OPCML: variants seen among roughly 807,000 people sequenced by gnomAD.
OPCML encodes the protein opioid-binding protein/cell adhesion molecule.
OPCML carries 13 observed loss-of-function variants against 37.8 expected under a neutral mutation model. The observed-to-expected ratio is 0.34, with a 90% CI of 0.22 to 0.55. The LOEUF (loss-of-function observed/expected upper bound fraction) is 0.55, where lower values mean the gene tolerates loss of function less well. OPCML is among the 20% of genes least tolerant of loss of function. The pLI, the probability that OPCML is intolerant of heterozygous loss-of-function variation, is 0.91. For synonymous variants in OPCML, 176 were observed against 168.8 expected (o/e 1.04, Z -0.33); for missense variants, 341 against 435.6 (o/e 0.78, Z 1.93).
At chr11:132,502,155 C>T (rs1363297974) in intron 4 of OPCML, among the ~76,000 whole-genome samples, 1 of 152,158 alleles carries the variant, frequency 6.6e-6, no homozygotes, top group African/African-American at 2.4e-5. Context: ...CTTTACCCAC[C>T]ACCCTCTGCT....
chr11:133,313,219 AC>A (rs1409842430), intron 1 of OPCML, among the ~76,000 whole-genome samples: 1 of 152,226 alleles, frequency 6.6e-6, no homozygotes, highest in Non-Finnish European at 1.5e-5. Context: ...AAAGCTTAGC[AC>A]ATAATAGGCA....
intron 1 of OPCML, chr11:133,005,616 A>C (rs1389710427): frequency 1.0e-6 from 1 of 984,118 alleles, no homozygotes; most frequent in African/African-American, 1.8e-5. Context: ...TAACCTTCAC[A>C]CCGCCCTTTC....
intron 4 of OPCML, among the ~76,000 whole-genome samples, chr11:132,439,184 G>A (rs1041082671): frequency 1.3e-5 from 2 of 152,138 alleles, no homozygotes; most frequent in Non-Finnish European, 2.9e-5. Context: ...TGGGAAATCT[G>A]GGTGGACCCA....
At chr11:132,954,431 T>A (rs114638925) in intron 1 of OPCML, among the ~76,000 whole-genome samples, 76,682 of 151,686 alleles carry the variant, frequency 0.51, 19,599 homozygotes, top group East Asian at 0.72. Context: ...TTAAGTGAAC[T>A]TTTTTAAAGA....
At chr11:133,368,206 G>T (rs914330101) in intron 1 of OPCML, among the ~76,000 whole-genome samples, 1 of 148,354 alleles carries the variant, frequency 6.7e-6, no homozygotes, top group African/African-American at 2.5e-5. Context: ...AAAGGTAGAA[G>T]GAGGAAGAGG....
At position 132,790,828 on chromosome 11, in the gene OPCML, G is replaced by A. The variant is rs556610417; in HGVS notation, c.147-133509C>T. On this transcript the variant is annotated intron_variant, in intron 2 of 7. Transcript: ENST00000524381. ...AATGCCTTCCAATATTTTGGTTATG[G>A]GAAAAGAGTAAGAACAATATCATCC... 5.3e-5 allele frequency among the ~76,000 whole-genome samples: 8 copies of A among 152,292 alleles called. No homozygotes were observed. The South Asian group carries it at 1.7e-3, about 32-fold the overall frequency.
At chr11:132,565,417 C>A (rs374776107) in intron 3 of OPCML, among the ~76,000 whole-genome samples, 6 of 152,122 alleles carry the variant, frequency 3.9e-5, no homozygotes, top group Non-Finnish European at 8.8e-5. Flanking sequence ...GACCTTCTCC[C>A]GAACGTTAGC....
intron 1 of OPCML, among the ~76,000 whole-genome samples, chr11:133,498,969 A>G (rs1947846180): frequency 6.6e-6 from 1 of 152,312 alleles, no homozygotes. Flanking sequence ...AGATGACTAC[A>G]ATGAGGCACA....
chr11:133,251,441 T>C (rs1170891339), intron 1 of OPCML, among the ~76,000 whole-genome samples: 2 of 152,096 alleles, frequency 1.3e-5, no homozygotes, highest in Non-Finnish European at 2.9e-5. Flanking sequence ...GCAGGTTCTC[T>C]CTGTCAGATG....
intron 1 of OPCML, among the ~76,000 whole-genome samples, chr11:133,267,040 C>T (rs555219710): frequency 5.3e-5 from 8 of 152,102 alleles, no homozygotes; most frequent in Non-Finnish European, 1.0e-4. Context: ...AAGTATGATT[C>T]GGCACCTTGG....
At chr11:132,888,503 C>CA (rs1943510036) in intron 2 of OPCML, among the ~76,000 whole-genome samples, 2 of 152,178 alleles carry the variant, frequency 1.3e-5, no homozygotes, top group South Asian at 4.2e-4. Flanking sequence ...TTTCTCCCCC[C>CA]ACGCATCTGC....
chr11:132,526,720 G>A lies in OPCML; in HGVS notation c.505+2341C>T, dbSNP rs533054647. On this transcript the variant is annotated intron_variant, in intron 4 of 7. Transcript: ENST00000524381. Reference sequence around the variant, plus strand: ...TTCAGATCATTATTGTCTACATTTCGGTATATTTATACTTCAAATTTAATT... The same window carrying A: ...TTCAGATCATTATTGTCTACATTTCAGTATATTTATACTTCAAATTTAATT... 6.6e-5 allele frequency among the ~76,000 whole-genome samples: 10 copies of A among 151,938 alleles called. 1 individual carries two copies. In the South Asian group the frequency reaches 1.0e-3, roughly 16 times the overall value.
intron 1 of OPCML, among the ~76,000 whole-genome samples, chr11:133,457,866 G>A (rs1260208970): frequency 1.3e-5 from 2 of 152,102 alleles, no homozygotes; most frequent in African/African-American, 4.8e-5. Context: ...AAAGTTCTTA[G>A]CCAGGTCTGG....
At chr11:133,069,763 A>G (rs1370049974) in intron 1 of OPCML, among the ~76,000 whole-genome samples, 1 of 152,222 alleles carries the variant, frequency 6.6e-6, no homozygotes, top group African/African-American at 2.4e-5. Context: ...GGCAGAGGTG[A>G]CAAAGACCAT....
chr11:133,426,616 A>G (rs1946008631), intron 1 of OPCML, among the ~76,000 whole-genome samples: 1 of 152,100 alleles, frequency 6.6e-6, no homozygotes, highest in Non-Finnish European at 1.5e-5. Flanking sequence ...CAACCTGAAA[A>G]CCATGCAAGG....
At chr11:133,496,091 G>A (rs1947780691) in intron 1 of OPCML, among the ~76,000 whole-genome samples, 1 of 152,178 alleles carries the variant, frequency 6.6e-6, no homozygotes, top group Non-Finnish European at 1.5e-5. Flanking sequence ...TGTGAGAGAT[G>A]AGGATCTAGT....
intron 4 of OPCML, among the ~76,000 whole-genome samples, chr11:132,508,950 C>G (rs546443524): frequency 1.3e-5 from 2 of 152,256 alleles, no homozygotes; most frequent in South Asian, 2.1e-4. Flanking sequence ...GATGTTGGAA[C>G]AGTTTGGAGG....
At chr11:133,400,008 T>A (rs1179983194) in intron 1 of OPCML, among the ~76,000 whole-genome samples, 1 of 152,124 alleles carries the variant, frequency 6.6e-6, no homozygotes, top group African/African-American at 2.4e-5. Context: ...TTGGTTAAAG[T>A]AAGAGGGCCA....
intron 4 of OPCML, among the ~76,000 whole-genome samples, chr11:132,448,258 A>G (rs192975431): frequency 1.3e-4 from 20 of 152,136 alleles, no homozygotes; most frequent in Admixed American, 8.5e-4. Context: ...CTTTCCCTAT[A>G]TTAGTTCCTG....
Sources: gnomAD v4.1 joint callset for allele counts (sites outside exome capture counted in the v4.1 genomes callset) on GRCh38, gnomAD v4.1.1 for gene constraint, MANE v1.5 for transcripts, NCBI Gene and HGNC (gene_info 2026-07-23, HGNC 2026-07-21) for gene names.